EDRF1: variants seen among roughly 807,000 people sequenced by gnomAD.
EDRF1 encodes erythroid differentiation-related factor 1.
A neutral mutation model predicts 148.7 loss-of-function variants in EDRF1; 69 were observed. The observed-to-expected ratio is 0.46, with a 90% confidence interval of 0.38 to 0.57. EDRF1 has a LOEUF of 0.57. Among genes scored for constraint, EDRF1 ranks in the 20% least tolerant of loss-of-function variants. The pLI is 0.00. For synonymous variants in EDRF1, 515 were observed against 532.8 expected (o/e 0.97, Z 0.46); for missense variants, 1,118 against 1,478.7 (o/e 0.76, Z 4.00).
chr10:125,732,147 T>C (rs1013940385), intron 9 of EDRF1, among the ~76,000 whole-genome samples: 11 of 152,166 alleles, frequency 7.2e-5, no homozygotes, highest in Non-Finnish European at 1.2e-4. Flanking sequence ...AAGTCTGCTG[T>C]ATGATTCTGG....
intron 17 of EDRF1, chr10:125,741,443 A>G (rs1363674818): frequency 1.0e-5 from 5 of 484,324 alleles, no homozygotes; most frequent in South Asian, 7.0e-5. Flanking sequence ...TCAGCCTCCC[A>G]AGTAGCTGGA....
intron 24 of EDRF1, chr10:125,761,148 T>C (rs1850174554): frequency 3.1e-6 from 1 of 320,734 alleles, no homozygotes; most frequent in East Asian, 1.0e-4. Flanking sequence ...ATTAAAATCT[T>C]AAGTTTATTA....
At chr10:125,749,830 A>G (rs1849550484) in intron 22 of EDRF1, 1 of 450,936 alleles carries the variant, frequency 2.2e-6, no homozygotes, top group Admixed American at 3.4e-5. Flanking sequence ...AAATTGACAA[A>G]TAAATTTAGA....
At chr10:125,751,612 A>G (rs1849644980) in intron 22 of EDRF1, among the ~76,000 whole-genome samples, 1 of 152,218 alleles carries the variant, frequency 6.6e-6, no homozygotes, top group African/African-American at 2.4e-5. Flanking sequence ...TTCTAAAGGA[A>G]GAAGGCAACA....
intron 1 of EDRF1, 85 bp downstream of exon 1, chr10:125,720,000 A>C (rs1847906374): frequency 8.0e-7 from 1 of 1,250,102 alleles, no homozygotes; most frequent in South Asian, 1.3e-5. Context: ...GGTTCCCGGC[A>C]GATTCTGGAG....
chr10:125,736,865 C>T (rs1273006601), intron 13 of EDRF1, among the ~76,000 whole-genome samples: 1 of 151,864 alleles, frequency 6.6e-6, no homozygotes, highest in Admixed American at 6.6e-5. Context: ...GTTCCCTGAC[C>T]ACTCTGGCCA....
rs770653160 is a variant in EDRF1 at position 125,738,301 on chromosome 10, A to C, written c.1837A>C (p.Lys613Gln). ...LVLSYVLEGL[K>Q]SVDSSIKKES... is the part of the protein sequence containing the mutation. ...GCTTTTCCTTTTTTTGCAGGGTTTA[A>C]AATCTGTCGATAGCAGCATCAAAAA... is the stretch of plus-strand genomic sequence containing the variant. Residue 613 changes from lysine to glutamine, a missense_variant, in exon 15 of 25, where the codon AAA becomes CAA. Physicochemically the swap from Lys to Gln is moderately conservative, Grantham distance 53. Transcript: ENST00000356792. 1 of 1,614,084 alleles carries C rather than the reference A, an allele frequency of 6.2e-7. No individual in the cohort carries two copies.
chr10:125,755,065 GC>G (rs1174544660), intron 24 of EDRF1, among the ~76,000 whole-genome samples: 1 of 152,158 alleles, frequency 6.6e-6, no homozygotes, highest in Non-Finnish European at 1.5e-5. Flanking sequence ...CCCTGCCCCT[GC>G]CCCCAATTCC....
chr10:125,748,103 C>T (rs1313375433), intron 21 of EDRF1, 91 bp downstream of exon 21: 15 of 1,468,044 alleles, frequency 1.0e-5, no homozygotes, highest in African/African-American at 1.4e-5. Flanking sequence ...TATATGTCTT[C>T]CTTGACGTCC....
chr10:125,747,347 C>T lies in EDRF1; in HGVS notation c.2815-189C>T, dbSNP rs2296834. ...AACACAGAGTGGTCTTCAGTCTACTCGGAATAACTTTCTTCATTGAAATAT... is the reference window on the plus strand; with the variant it reads ...AACACAGAGTGGTCTTCAGTCTACTTGGAATAACTTTCTTCATTGAAATAT... On this transcript the variant is annotated intron_variant, in intron 19 of 24. Transcript: ENST00000356792. 936 of 686,358 alleles carry T rather than the reference C, an allele frequency of 1.4e-3. 8 individuals carry two copies. The highest frequency in any genetic ancestry group is 9.7e-3 in the South Asian group (519 of 53,486). The allele number at this position is 686,358 out of a possible 1,614,324, so 42.5% of individuals were successfully genotyped here.
intron 22 of EDRF1, 88 bp from the exon 23 acceptor site, chr10:125,752,711 A>T: frequency 1.2e-6 from 1 of 866,290 alleles, no homozygotes; most frequent in Non-Finnish European, 1.9e-6. Context: ...TAGCATTTTG[A>T]AAGTCTGAAT....
rs1426285261 is a variant in EDRF1 at position 125,734,141 on chromosome 10, T to C, written c.1455T>C (p.Leu485=). The C allele has an allele frequency of 6.2e-7, 1 of 1,613,146 alleles. No individual in the cohort carries two copies. Among genetic ancestry groups the C allele is most frequent in the African/African-American group, 1.3e-5 (1 of 74,986 alleles). ...ACTATGGAACTATTAGAACATTGCT[T>C]CTTAATTGTCTGAAATTACTGGACA... is the stretch of plus-strand genomic sequence containing the variant. ...KKHYGTIRTL[L]LNCLKLLDKS... Residue 485 remains leucine (L), a synonymous_variant, in exon 12 of 25, where the codon CTT becomes CTC. Coordinates refer to ENST00000356792, the MANE Select transcript of EDRF1 (RefSeq NM_001202438.2).
rs751493979 is a variant in EDRF1 at position 125,730,414 on chromosome 10, G to A, written c.1128+15G>A. ...GAATTGTACAGGTAAGATACAGTGT[G>A]ATTTTTCTGATCTCTCAAATGCAAA... On this transcript the variant is annotated intron_variant, in intron 9 of 24. Coordinates refer to ENST00000356792, the MANE Select transcript of EDRF1 (RefSeq NM_001202438.2). 6.3e-7 allele frequency: 1 copy of A among 1,592,044 alleles called. No individual in the cohort carries two copies. Among genetic ancestry groups the A allele is most frequent in the Non-Finnish European group, 8.6e-7 (1 of 1,160,084 alleles).
intron 18 of EDRF1, among the ~76,000 whole-genome samples, chr10:125,744,447 G>T (rs1201414980): frequency 6.6e-6 from 1 of 152,164 alleles, no homozygotes; most frequent in African/African-American, 2.4e-5. Context: ...GCTTCCCAAA[G>T]TTCTGGGATT....
At position 125,733,633 on chromosome 10, in the gene EDRF1, A is replaced by G; in HGVS notation, c.1277-2A>G. The G allele has an allele frequency of 6.2e-7, 1 of 1,613,450 alleles. No individual in the cohort carries two copies. Among genetic ancestry groups the G allele is most frequent in the Admixed American group, 1.7e-5 (1 of 60,008 alleles). ...ATGAGTCTTCTTTGTTTTTCTTTTCAGCAAGTGGCAGCGATATAGTGAAGC... is the reference window on the plus strand; with the variant it reads ...ATGAGTCTTCTTTGTTTTTCTTTTCGGCAAGTGGCAGCGATATAGTGAAGC... On this transcript the variant is annotated splice_acceptor_variant, in intron 10 of 24. Transcript: ENST00000356792. LOFTEE classifies it high-confidence loss of function.
intron 24 of EDRF1, among the ~76,000 whole-genome samples, chr10:125,758,391 G>A (rs76963417): frequency 0.013 from 1,971 of 152,194 alleles, 19 homozygotes; most frequent in Non-Finnish European, 0.022. Flanking sequence ...CTTGCCTTCC[G>A]TATATCTCTT....
intron 7 of EDRF1, 125 bp from the exon 8 acceptor site, chr10:125,729,233 G>T (rs2133684565): frequency 8.9e-6 from 13 of 1,459,266 alleles, no homozygotes; most frequent in East Asian, 4.8e-5. Flanking sequence ...AAGCATCTTT[G>T]TGATCTTAGC....
intron 3 of EDRF1, 64 bp downstream of exon 3, chr10:125,723,198 G>GC: frequency 7.4e-7 from 1 of 1,360,348 alleles, no homozygotes; most frequent in Non-Finnish European, 1.1e-6. Flanking sequence ...TTTATATCAT[G>GC]CTGTGTTTTG....
intron 18 of EDRF1, among the ~76,000 whole-genome samples, chr10:125,744,476 A>C (rs536539018): frequency 7.9e-5 from 12 of 152,246 alleles, no homozygotes; most frequent in African/African-American, 2.6e-4. Flanking sequence ...GAGCCACTGC[A>C]CCCAGCCTGT....
Sources: gnomAD v4.1 joint callset for allele counts (sites outside exome capture counted in the v4.1 genomes callset) on GRCh38, gnomAD v4.1.1 for gene constraint, MANE v1.5 for transcripts, NCBI Gene and HGNC (gene_info 2026-07-23, HGNC 2026-07-21) for gene names.